Variants in SGPL1 observed in about 807,000 individuals in gnomAD.
The protein encoded by SGPL1 is SP-lyase 1.
A neutral mutation model predicts 68.9 loss-of-function variants in SGPL1; 37 were observed. The ratio of observed to expected loss-of-function variants is 0.54; its 90% CI spans 0.41 to 0.71. SGPL1 has a LOEUF of 0.71. Ranked by LOEUF, SGPL1 falls within the 30% of genes least tolerant of loss-of-function variation. The pLI, the probability that SGPL1 is intolerant of heterozygous loss-of-function variation, is 0.00. For synonymous variants in SGPL1, 236 were observed against 248.5 expected (o/e 0.95, Z 0.47); for missense variants, 551 against 704.6 (o/e 0.78, Z 2.47).
At chr10:70,833,490 G>A (rs1490759188) in intron 2 of SGPL1, among the ~76,000 whole-genome samples, 1 of 152,156 alleles carries the variant, frequency 6.6e-6, no homozygotes, top group African/African-American at 2.4e-5. Context: ...TGACCCAAGA[G>A]GATTTTCCCT....
chr10:70,843,363 A>C (rs1030437543), intron 2 of SGPL1, among the ~76,000 whole-genome samples: 12 of 152,224 alleles, frequency 7.9e-5, no homozygotes, highest in African/African-American at 2.7e-4. Context: ...TCCCCAGCTT[A>C]CTGCCTTCAA....
intron 8 of SGPL1, among the ~76,000 whole-genome samples, chr10:70,868,843 T>C (rs1589473806): frequency 6.6e-6 from 1 of 152,198 alleles, no homozygotes; most frequent in South Asian, 2.1e-4. Flanking sequence ...TGCCTCAGGG[T>C]ACTCTCTGGG....
intron 2 of SGPL1, chr10:70,820,382 TA>T (rs997215386): frequency 6.6e-6 from 1 of 151,532 alleles, no homozygotes; most frequent in Non-Finnish European, 1.5e-5. Context: ...CTCCACCCTC[TA>T]GGGGGCACTT....
At chr10:70,830,984 T>A (rs1845525246) in intron 2 of SGPL1, among the ~76,000 whole-genome samples, 1 of 152,116 alleles carries the variant, frequency 6.6e-6, no homozygotes, top group South Asian at 2.1e-4. Context: ...CAAATGAATG[T>A]GCAAATGGAG....
chr10:70,864,280 C>G (rs548664051), intron 7 of SGPL1, among the ~76,000 whole-genome samples: 1 of 152,172 alleles, frequency 6.6e-6, no homozygotes, highest in African/African-American at 2.4e-5. Flanking sequence ...TCACAGACTT[C>G]CAACCATCGC....
At chr10:70,825,908 G>T (rs193246281) in intron 2 of SGPL1, among the ~76,000 whole-genome samples, 1 of 152,166 alleles carries the variant, frequency 6.6e-6, no homozygotes, top group Non-Finnish European at 1.5e-5. Context: ...CTGGCCTGGC[G>T]CGGTGGCTCA....
intron 2 of SGPL1, among the ~76,000 whole-genome samples, chr10:70,834,293 A>G (rs773883856): frequency 1.2e-4 from 19 of 152,222 alleles, no homozygotes; most frequent in Non-Finnish European, 2.6e-4. Context: ...TGCTTCTTGG[A>G]TGATATTGAT....
Position 70,880,115 on chromosome 10 carries a change from T to G in SGPL1, c.*2780T>G, listed in dbSNP as rs1846475354. ...GTTAAATGACCCTAATTGTAATTAC[T>G]GTGGATGGTTGCATTCATTTGATTA... On this transcript the variant is annotated 3_prime_UTR_variant, in exon 15 of 15. Transcript: ENST00000373202. 6.6e-6 allele frequency: 1 copy of G among 152,656 alleles called. No individual in the cohort carries two copies. 9.5% of individuals were successfully genotyped at this position (152,656 alleles called of 1,614,324 possible).
chr10:70,873,228 T>C, intron 11 of SGPL1, 123 bp from the exon 12 acceptor site: 3 of 770,172 alleles, frequency 3.9e-6, no homozygotes, highest in Non-Finnish European at 6.7e-6. Flanking sequence ...TTAATGTGAG[T>C]GGGAAACATA....
intron 4 of SGPL1, among the ~76,000 whole-genome samples, chr10:70,852,492 G>A (rs1845899776): frequency 1.3e-5 from 2 of 152,186 alleles, no homozygotes; most frequent in Non-Finnish European, 2.9e-5. Flanking sequence ...GCACAAAGGA[G>A]ATTAGGATTT....
At chr10:70,861,699 TC>T (rs1189012691) in intron 7 of SGPL1, among the ~76,000 whole-genome samples, 2 of 152,102 alleles carry the variant, frequency 1.3e-5, no homozygotes, top group African/African-American at 4.8e-5. Context: ...CAGCTAGAGT[TC>T]CCGGTGAGCA....
chr10:70,844,677 G>A (rs375741080), intron 3 of SGPL1, 39 bp downstream of exon 3: 47 of 1,556,586 alleles, frequency 3.0e-5, no homozygotes, highest in Non-Finnish European at 3.9e-5. Context: ...ATAGTGGTGT[G>A]TCACTAGCCT....
intron 6 of SGPL1, among the ~76,000 whole-genome samples, chr10:70,858,583 G>A (rs1055534799): frequency 3.3e-5 from 5 of 152,290 alleles, no homozygotes; most frequent in Admixed American, 2.0e-4. Context: ...TTGGTGTAAT[G>A]CTCTGATCTT....
At chr10:70,852,706 ATG>A (rs35491906) in intron 4 of SGPL1, among the ~76,000 whole-genome samples, 50,529 of 145,718 alleles carry the variant, frequency 0.35, 8,616 homozygotes, top group South Asian at 0.53. Flanking sequence ...ACATGTGTGT[ATG>A]TGTGTGTGTG....
intron 4 of SGPL1, among the ~76,000 whole-genome samples, chr10:70,852,473 T>TG (rs1189198362): frequency 1.3e-5 from 2 of 152,230 alleles, no homozygotes; most frequent in African/African-American, 2.4e-5. Context: ...TTGTAGAAGA[T>TG]GGACTGTAGC....
chr10:70,818,862 ATAAG>A (rs1589444634), intron 2 of SGPL1, among the ~76,000 whole-genome samples: 1 of 152,240 alleles, frequency 6.6e-6, no homozygotes, highest in Non-Finnish European at 1.5e-5. Flanking sequence ...ACTGGAAACT[ATAAG>A]TAAGCAAAAG....
chr10:70,877,135 G>A lies in SGPL1; in HGVS notation c.1567-60G>A. On this transcript the variant is annotated intron_variant, in intron 14 of 14. Transcript: ENST00000373202. ...CGGGGAGAAGGGGCTCATTGCTGCA[G>A]TTTTATTCTTGCTTTTGGACCTGGC... 10 of 1,584,770 alleles carry A rather than the reference G, an allele frequency of 6.3e-6. No individual in the cohort carries two copies. In the South Asian group the frequency reaches 1.1e-4, roughly 18 times the overall value.
At chr10:70,834,249 T>G (rs1845590022) in intron 2 of SGPL1, among the ~76,000 whole-genome samples, 1 of 152,136 alleles carries the variant, frequency 6.6e-6, no homozygotes, top group Non-Finnish European at 1.5e-5. Flanking sequence ...GGTGGGGTAT[T>G]CTGACCCAAG....
chr10:70,861,346 C>T (rs952909670), intron 7 of SGPL1, among the ~76,000 whole-genome samples: 1 of 152,138 alleles, frequency 6.6e-6, no homozygotes, highest in Non-Finnish European at 1.5e-5. Context: ...AGATTACCTA[C>T]AAAGGCATAA....
Sources: allele counts gnomAD v4.1 joint callset (sites outside exome capture counted in the v4.1 genomes callset), GRCh38; gene constraint gnomAD v4.1.1; transcripts MANE v1.5; gene names NCBI Gene and HGNC (gene_info 2026-07-23, HGNC 2026-07-21).